HECW1: variants seen among roughly 807,000 people sequenced by gnomAD.
The protein encoded by HECW1 is HECT, C2 and WW domain containing E3 ubiquitin protein ligase 1, also known as E3 ubiquitin-protein ligase HECW1.
In HECW1, 61 loss-of-function variants were observed where a neutral mutation model predicts 182.3. The observed-to-expected ratio is 0.33, with a 90% confidence interval of 0.27 to 0.41. The LOEUF (loss-of-function observed/expected upper bound fraction) is 0.41. Among genes scored for constraint, HECW1 ranks in the 10% least tolerant of loss-of-function variants. The probability of loss-of-function intolerance (pLI) is 1.00; values close to 1 mark genes in which losing one functional copy is unlikely to be tolerated. For synonymous variants in HECW1, 859 were observed against 832.6 expected (o/e 1.03, Z -0.55); for missense variants, 1,739 against 2,108.9 (o/e 0.82, Z 3.44).
Position 43,112,865 on chromosome 7 carries a change from G to A in HECW1, c.-339G>A. The A allele has an allele frequency of 4.4e-6, 1 of 225,448 alleles. No homozygotes were observed. The highest frequency in any genetic ancestry group is 8.8e-6 in the Non-Finnish European group (1 of 113,006). 14.0% of individuals were successfully genotyped at this position (225,448 alleles called of 1,614,324 possible). On this transcript the variant is annotated 5_prime_UTR_variant, in exon 1 of 30. Transcript: ENST00000395891. ...CCCAGGCGCCCGGTGCACTATGCGG[G>A]GCACGTGCGCCCCCCAGCTCTAATC...
chr7:43,170,355 TC>T (rs1554298080), intron 2 of HECW1, among the ~76,000 whole-genome samples: 1 of 151,876 alleles, frequency 6.6e-6, no homozygotes, highest in Non-Finnish European at 1.5e-5. Context: ...AAAATCATCC[TC>T]CCCCACCCCT....
intron 11 of HECW1, among the ~76,000 whole-genome samples, chr7:43,449,532 A>C (rs538507095): frequency 4.6e-5 from 7 of 152,386 alleles, no homozygotes; most frequent in African/African-American, 1.7e-4. Flanking sequence ...ATTTTTGATC[A>C]GTTCCGTAGA....
At chr7:43,470,204 T>A (rs2077962332) in intron 16 of HECW1, among the ~76,000 whole-genome samples, 2 of 152,106 alleles carry the variant, frequency 1.3e-5, no homozygotes, top group African/African-American at 4.8e-5. Flanking sequence ...TGACAATGAT[T>A]TGTATGTGGG....
chr7:43,234,396 G>T (rs1022183147), intron 2 of HECW1, among the ~76,000 whole-genome samples: 1 of 152,146 alleles, frequency 6.6e-6, no homozygotes, highest in African/African-American at 2.4e-5. Flanking sequence ...TGAACTAGAA[G>T]CCTAACACAA....
intron 3 of HECW1, chr7:43,249,404 C>T (rs1005635913): frequency 2.0e-5 from 3 of 152,284 alleles, no homozygotes; most frequent in Admixed American, 1.3e-4. Flanking sequence ...AGGTCCTGGC[C>T]ATTGAACAAC....
At chr7:43,533,445 G>A (rs2081066315) in intron 24 of HECW1, among the ~76,000 whole-genome samples, 1 of 152,126 alleles carries the variant, frequency 6.6e-6, no homozygotes, top group Non-Finnish European at 1.5e-5. Flanking sequence ...GCAGTCCCCA[G>A]AGTCATGGCT....
intron 8 of HECW1, among the ~76,000 whole-genome samples, chr7:43,428,230 A>G (rs909181196): frequency 6.6e-6 from 1 of 152,180 alleles, no homozygotes; most frequent in African/African-American, 2.4e-5. Flanking sequence ...TGCCAGAACA[A>G]TAACTGGTGT....
chr7:43,188,141 G>A (rs1793582460), intron 2 of HECW1, among the ~76,000 whole-genome samples: 1 of 152,106 alleles, frequency 6.6e-6, no homozygotes, highest in African/African-American at 2.4e-5. Context: ...CTCTTCAAAG[G>A]GATTGTTTTC....
chr7:43,165,868 T>G (rs902299566), intron 2 of HECW1, among the ~76,000 whole-genome samples: 9 of 152,234 alleles, frequency 5.9e-5, no homozygotes, highest in Non-Finnish European at 7.3e-5. Context: ...GCCATTTGCA[T>G]GTGTTGAGAT....
At chr7:43,441,632 A>C (rs2076891349) in intron 9 of HECW1, among the ~76,000 whole-genome samples, 1 of 152,330 alleles carries the variant, frequency 6.6e-6, no homozygotes, top group East Asian at 1.9e-4. Flanking sequence ...TAGGCTTTGC[A>C]AGGCCCACAG....
intron 17 of HECW1, among the ~76,000 whole-genome samples, chr7:43,486,395 G>C (rs2078642622): frequency 1.3e-5 from 2 of 151,996 alleles, no homozygotes; most frequent in South Asian, 2.1e-4. Flanking sequence ...TCCTCCTCCT[G>C]GGTTCAAGTG....
chr7:43,336,148 CT>C (rs1812223643), intron 5 of HECW1, among the ~76,000 whole-genome samples: 1 of 48,670 alleles, frequency 2.1e-5, no homozygotes, highest in Admixed American at 3.0e-4. Context: ...CTCTCTTTCT[CT>C]CTCTCTCTCT....
intron 3 of HECW1, among the ~76,000 whole-genome samples, chr7:43,259,394 A>G (rs1800942328): frequency 6.6e-6 from 1 of 152,102 alleles, no homozygotes; most frequent in South Asian, 2.1e-4. Flanking sequence ...GTCCAAAAAA[A>G]AAAACCGTTC....
rs2076577935 is a variant in HECW1, at chr7:43,432,301, G to A, written c.802-5702G>A. Among the ~76,000 whole-genome samples, 3 of 151,390 alleles carry A rather than the reference G, an allele frequency of 2.0e-5. No individual in the cohort carries two copies. The South Asian group carries it at 6.3e-4, about 32-fold the overall frequency. ...ACTACAGGCGCCCGCCACTACACCC[G>A]GCTAATTTTTTGTATTTTTAGTAGA... On this transcript the variant is annotated intron_variant, in intron 8 of 29. Coordinates refer to ENST00000395891, the MANE Select transcript of HECW1 (RefSeq NM_015052.5). This position sits in a 1 kb window ranked among gnomAD's most constrained non-coding sequence, Gnocchi z 4.1.
At chr7:43,284,161 A>G (rs778536550) in intron 3 of HECW1, among the ~76,000 whole-genome samples, 6 of 152,230 alleles carry the variant, frequency 3.9e-5, no homozygotes, top group Non-Finnish European at 8.8e-5. Context: ...AGTGACAGGT[A>G]ATCTTATAGG....
intron 21 of HECW1, 61 bp from the exon 22 acceptor site, chr7:43,507,076 G>T: frequency 6.4e-7 from 1 of 1,569,716 alleles, no homozygotes; most frequent in South Asian, 1.2e-5. Context: ...TCTCAAAAAA[G>T]AAAAAAAGAA....
chr7:43,544,670 C>T (rs2081489072), intron 26 of HECW1, among the ~76,000 whole-genome samples: 1 of 152,154 alleles, frequency 6.6e-6, no homozygotes, highest in African/African-American at 2.4e-5. Flanking sequence ...TCATCACAGC[C>T]TTGTTGATAG....
chr7:43,262,850 C>A (rs1381585661), intron 3 of HECW1, among the ~76,000 whole-genome samples: 1 of 152,186 alleles, frequency 6.6e-6, no homozygotes, highest in Non-Finnish European at 1.5e-5. Flanking sequence ...AGTCCCCAGG[C>A]CCTCCTGCCA....
chr7:43,509,714 T>C (rs1045222928), intron 24 of HECW1: 9 of 152,272 alleles, frequency 5.9e-5, no homozygotes, highest in African/African-American at 2.2e-4. Context: ...ATTAGAGGTC[T>C]CCAGAAAGCT....
Sources: gnomAD v4.1 joint callset for allele counts (sites outside exome capture counted in the v4.1 genomes callset) on GRCh38, gnomAD v4.1.1 for gene constraint, Gnocchi (gnomAD v3.1) non-coding constraint, MANE v1.5 for transcripts, NCBI Gene and HGNC (gene_info 2026-07-23, HGNC 2026-07-21) for gene names.